Variants in TMEM232 observed in about 807,000 individuals in gnomAD.
TMEM232 encodes transmembrane protein 232.
TMEM232 carries 80 observed loss-of-function variants against 78.8 expected under a neutral mutation model. The observed-to-expected ratio is 1.01, with a 90% CI of 0.85 to 1.22. The LOEUF is 1.22. Ranked by LOEUF, TMEM232 falls within the 50% of genes most tolerant of loss-of-function variation. TMEM232 has a pLI of 0.00. For synonymous variants in TMEM232, 297 were observed against 254.3 expected, an observed-to-expected ratio of 1.17 and a Z score of -1.60; for missense variants, 881 against 742.2, an observed-to-expected ratio of 1.19 and a Z score of -2.17.
intron 1 of TMEM232, among the ~76,000 whole-genome samples, chr5:110,675,631 C>G (rs1023130841): frequency 6.6e-6 from 1 of 152,124 alleles, no homozygotes; most frequent in Non-Finnish European, 1.5e-5. Flanking sequence ...TTTTCTCCAC[C>G]CCCAGCATTA....
At chr5:110,679,021 C>T (rs1792380254) in intron 1 of TMEM232, among the ~76,000 whole-genome samples, 1 of 152,136 alleles carries the variant, frequency 6.6e-6, no homozygotes, top group African/African-American at 2.4e-5. Flanking sequence ...TTCAACTCCT[C>T]TTGGTAAGTA....
intron 12 of TMEM232, among the ~76,000 whole-genome samples, chr5:110,432,332 G>A (rs1408279241): frequency 6.6e-6 from 1 of 151,658 alleles, no homozygotes. Flanking sequence ...CCCACATTTA[G>A]CATTCTGAAA....
At chr5:110,524,427 AAAG>A (rs1402580276) in intron 12 of TMEM232, among the ~76,000 whole-genome samples, 3 of 141,044 alleles carry the variant, frequency 2.1e-5, no homozygotes, top group Admixed American at 1.4e-4. Flanking sequence ...AAAGAAAAGA[AAAG>A]AAAAGAAAAG....
chr5:110,642,418 C>T, intron 2 of TMEM232, 47 bp from the exon 3 acceptor site: 1 of 1,339,014 alleles, frequency 7.5e-7, no homozygotes, highest in South Asian at 1.5e-5. Context: ...ATAGCTATCA[C>T]TTCCAAATTT....
chr5:110,599,860 A>G (rs1045805252), intron 10 of TMEM232, among the ~76,000 whole-genome samples: 1 of 152,168 alleles, frequency 6.6e-6, no homozygotes, highest in Non-Finnish European at 1.5e-5. Context: ...TCAACAGAAT[A>G]TACACTCTTC....
intron 8 of TMEM232, among the ~76,000 whole-genome samples, chr5:110,609,335 C>G (rs899507206): frequency 6.6e-6 from 1 of 151,940 alleles, no homozygotes; most frequent in Non-Finnish European, 1.5e-5. Context: ...CACCCACATG[C>G]CACTTCTTGA....
chr5:110,509,394 C>T (rs1767431004), intron 12 of TMEM232, among the ~76,000 whole-genome samples: 1 of 152,018 alleles, frequency 6.6e-6, no homozygotes, highest in African/African-American at 2.4e-5. Flanking sequence ...ATGTTTGTGC[C>T]ACTGCACTCC....
At chr5:110,673,635 G>A (rs1032060776) in intron 1 of TMEM232, among the ~76,000 whole-genome samples, 2 of 152,134 alleles carry the variant, frequency 1.3e-5, no homozygotes, top group Non-Finnish European at 2.9e-5. Context: ...CCTGTGTGGG[G>A]ATTATGAGGT....
At chr5:110,637,774 T>G (rs201953468) in intron 5 of TMEM232, among the ~76,000 whole-genome samples, 2 of 152,034 alleles carry the variant, frequency 1.3e-5, no homozygotes, top group East Asian at 3.9e-4. Flanking sequence ...GAGTTTTTCA[T>G]TTTTATAGAT....
At chr5:110,476,557 C>A (rs1285191422) in intron 12 of TMEM232, among the ~76,000 whole-genome samples, 1 of 151,904 alleles carries the variant, frequency 6.6e-6, no homozygotes, top group Admixed American at 6.6e-5. Flanking sequence ...ATATAGAGTT[C>A]ATAATAAAAT....
At chr5:110,523,162 T>C (rs370406296) in intron 12 of TMEM232, among the ~76,000 whole-genome samples, 2 of 152,124 alleles carry the variant, frequency 1.3e-5, no homozygotes, top group East Asian at 3.9e-4. Context: ...AATGTATCCA[T>C]TTCTTCTGGG....
At chr5:110,653,514 G>A (rs1279774749) in intron 2 of TMEM232, among the ~76,000 whole-genome samples, 2 of 152,188 alleles carry the variant, frequency 1.3e-5, no homozygotes, top group African/African-American at 4.8e-5. Context: ...GGACAGAATA[G>A]CAGTTGTCCT....
In TMEM232 at chr5:110,556,361, C is replaced by CCCT. The variant is rs1561682600; in HGVS notation, c.1455+12085_1455+12086insAGG. 7.1e-4 allele frequency among the ~76,000 whole-genome samples: 94 copies of CCCT among 132,998 alleles called. 1 individual carries two copies. The highest frequency in any genetic ancestry group is 2.2e-3 in the African/African-American group (81 of 36,852). The allele number at this position is 132,998 out of a possible 152,430, so 87.3% of individuals were successfully genotyped here. ...CCTTCCTCCCTTCCCTTCCCTTCCC[C>CCCT]TTCCTTCCTTCCTTCCTTTCTTTCT... On this transcript the variant is annotated intron_variant, in intron 11 of 13. Transcript: ENST00000455884.
chr5:110,652,292 G>A (rs965609436), intron 2 of TMEM232, among the ~76,000 whole-genome samples: 74 of 5,020 alleles, frequency 0.015, no homozygotes, highest in Non-Finnish European at 0.033. Flanking sequence ...GTGCACGCGC[G>A]CGCACACACA....
chr5:110,537,478 T>C (rs1772537394), intron 11 of TMEM232, among the ~76,000 whole-genome samples: 2 of 151,866 alleles, frequency 1.3e-5, no homozygotes, highest in Non-Finnish European at 2.9e-5. Context: ...CCTAACAATC[T>C]GCAAAACTCC....
intron 10 of TMEM232, among the ~76,000 whole-genome samples, chr5:110,586,603 T>C (rs1478456748): frequency 6.6e-6 from 1 of 151,216 alleles, no homozygotes; most frequent in African/African-American, 2.4e-5. Context: ...CAATTACACA[T>C]ACAAATGTAT....
chr5:110,609,887 T>C (rs1781975881), intron 8 of TMEM232, among the ~76,000 whole-genome samples: 1 of 151,798 alleles, frequency 6.6e-6, no homozygotes, highest in African/African-American at 2.4e-5. Flanking sequence ...CTAAAGAGAG[T>C]ATCAGTCTCA....
chr5:110,725,087 T>C (rs1369889101), intron 1 of TMEM232, among the ~76,000 whole-genome samples: 1 of 152,182 alleles, frequency 6.6e-6, no homozygotes, highest in African/African-American at 2.4e-5. Flanking sequence ...TATGGAAATA[T>C]AAGCAAAAAT....
chr5:110,664,266 T>C (rs1276518476), intron 2 of TMEM232, among the ~76,000 whole-genome samples: 3 of 152,186 alleles, frequency 2.0e-5, no homozygotes, highest in African/African-American at 7.2e-5. Context: ...GAAAATTCAT[T>C]ATATTAGAAT....
Sources: allele counts gnomAD v4.1 joint callset (sites outside exome capture counted in the v4.1 genomes callset), GRCh38; gene constraint gnomAD v4.1.1; transcripts MANE v1.5; gene names NCBI Gene and HGNC (gene_info 2026-07-23, HGNC 2026-07-21).